Variants in ROBO2 observed in about 807,000 individuals in gnomAD.
ROBO2 encodes roundabout homolog 2.
Under a neutral mutation model 160.8 loss-of-function variants are expected in ROBO2, and 53 were observed. The observed-to-expected ratio is 0.33, with a 90% CI of 0.26 to 0.41. ROBO2 has a LOEUF of 0.41. ROBO2 is among the 10% of genes least tolerant of loss of function. The pLI is 1.00. For missense variants in ROBO2, 1,577 were observed against 1,722.4 expected (o/e 0.92, Z 1.49); for synonymous variants, 664 against 611.7 (o/e 1.09, Z -1.26).
chr3:76,872,049 T>C (rs2072156865), intron 2 of ROBO2, among the ~76,000 whole-genome samples: 1 of 152,184 alleles, frequency 6.6e-6, no homozygotes, highest in Non-Finnish European at 1.5e-5. Flanking sequence ...GTCACTGAAA[T>C]ATTAATCAAG....
chr3:77,155,910 C>G (rs767662620), intron 2 of ROBO2, among the ~76,000 whole-genome samples: 3 of 151,914 alleles, frequency 2.0e-5, no homozygotes, highest in Admixed American at 6.6e-5. Flanking sequence ...CTTTCGTGGT[C>G]CCTTTTACAG....
In ROBO2 at chr3:77,103,375, G is replaced by A. The variant is rs781538190; in HGVS notation, c.388+5035G>A. ...ACGCTTTAGTGGCAAGGAGGTTGTG[G>A]TTCAAAGGTCAGGGGTCACATAGAA... On this transcript the variant is annotated intron_variant, in intron 2 of 25. Transcript: ENST00000461745. 4.0e-4 allele frequency among the ~76,000 whole-genome samples: 60 copies of A among 150,948 alleles called. 1 individual carries two copies. Among genetic ancestry groups the A allele is most frequent in the Admixed American group, 7.3e-4 (11 of 15,164 alleles).
chr3:77,583,543 T>C (rs533578728), intron 16 of ROBO2, among the ~76,000 whole-genome samples: 1 of 152,268 alleles, frequency 6.6e-6, no homozygotes, highest in East Asian at 1.9e-4. Context: ...CATTTCCCTC[T>C]GATGTTTTCC....
In ROBO2 at chr3:76,026,842, T is replaced by C. The variant is rs762006207; in HGVS notation, c.109+89240T>C. ...AAGATCTGTCTAAGGGGAGACTTTA[T>C]ATAGATATTTGAGTGAAAAGGGCCA... is the stretch of plus-strand genomic sequence containing the variant. On this transcript the variant is annotated intron_variant, in intron 2 of 26. Transcript: ENST00000487694. 1.4e-3 allele frequency among the ~76,000 whole-genome samples: 206 copies of C among 151,944 alleles called. 3 individuals carry two copies. Among genetic ancestry groups the C allele is most frequent in the Non-Finnish European group, 2.4e-3 (164 of 67,886 alleles).
intron 2 of ROBO2, among the ~76,000 whole-genome samples, chr3:76,885,839 C>A (rs2073824696): frequency 6.6e-6 from 1 of 152,098 alleles, no homozygotes; most frequent in Non-Finnish European, 1.5e-5. Flanking sequence ...ATTTTTCCTG[C>A]CTCCTTCATG....
At chr3:76,311,666 G>A (rs1403017440) in intron 2 of ROBO2, among the ~76,000 whole-genome samples, 4 of 152,204 alleles carry the variant, frequency 2.6e-5, no homozygotes, top group Admixed American at 2.6e-4. Context: ...CAGGGAGACT[G>A]TAAGAGCAGA....
chr3:77,062,122 T>G (rs559850249), intron 1 of ROBO2, among the ~76,000 whole-genome samples: 4 of 152,292 alleles, frequency 2.6e-5, no homozygotes, highest in African/African-American at 9.6e-5. Context: ...ATGTGCCCTA[T>G]AGATGAGCAG....
intron 2 of ROBO2, among the ~76,000 whole-genome samples, chr3:76,780,945 GA>G (rs983414961): frequency 2.0e-5 from 3 of 150,146 alleles, no homozygotes; most frequent in South Asian, 2.1e-4. Flanking sequence ...ATATTTCTGA[GA>G]AAAAAATGCT....
chr3:76,317,169 G>C (rs1018489339), intron 2 of ROBO2, among the ~76,000 whole-genome samples: 1 of 152,168 alleles, frequency 6.6e-6, no homozygotes, highest in Non-Finnish European at 1.5e-5. Context: ...TTGTTAACAT[G>C]CAGTCTTGTA....
intron 2 of ROBO2, among the ~76,000 whole-genome samples, chr3:76,994,540 A>T (rs1412684479): frequency 1.3e-5 from 2 of 152,232 alleles, no homozygotes; most frequent in East Asian, 3.9e-4. Flanking sequence ...TTTCTCTGAA[A>T]TCATAATCAG....
chr3:76,219,019 A>G (rs1440764942), intron 2 of ROBO2, among the ~76,000 whole-genome samples: 2 of 152,224 alleles, frequency 1.3e-5, no homozygotes, highest in South Asian at 4.1e-4. Flanking sequence ...CATATCTACA[A>G]CTATCTGGTC....
At chr3:77,188,333 CA>C (rs11456154) in intron 2 of ROBO2, among the ~76,000 whole-genome samples, 1 of 151,392 alleles carries the variant, frequency 6.6e-6, no homozygotes, top group Non-Finnish European at 1.5e-5. Flanking sequence ...TAATATTAGT[CA>C]AACAGAGCTA....
intron 2 of ROBO2, among the ~76,000 whole-genome samples, chr3:76,879,815 G>A (rs748649766): frequency 2.7e-4 from 41 of 152,014 alleles, no homozygotes; most frequent in Non-Finnish European, 5.3e-4. Context: ...TAAACTGTTC[G>A]TTATCTGTCC....
chr3:75,912,651 G>A (rs1005828580), intron 1 of ROBO2, among the ~76,000 whole-genome samples: 2 of 152,026 alleles, frequency 1.3e-5, no homozygotes, highest in Admixed American at 6.6e-5. Flanking sequence ...TCAGATACAC[G>A]GTTGCTTACG....
chr3:77,429,714 G>T (rs2078581647), intron 2 of ROBO2, among the ~76,000 whole-genome samples: 1 of 151,332 alleles, frequency 6.6e-6, no homozygotes, highest in African/African-American at 2.4e-5. Context: ...ACACGGTTGT[G>T]ATCTTCCCTG....
intron 2 of ROBO2, among the ~76,000 whole-genome samples, chr3:76,674,957 AG>A (rs1314764398): frequency 6.6e-6 from 1 of 152,214 alleles, no homozygotes; most frequent in African/African-American, 2.4e-5. Context: ...ACAAACAAAA[AG>A]AAACCTTTGT....
intron 2 of ROBO2, among the ~76,000 whole-genome samples, 192 bp downstream of exon 2, chr3:77,098,532 AT>A (rs2071410782): frequency 6.6e-6 from 1 of 152,116 alleles, no homozygotes; most frequent in Non-Finnish European, 1.5e-5. Flanking sequence ...TTTATATGAA[AT>A]CAAGATGACC....
intron 2 of ROBO2, among the ~76,000 whole-genome samples, chr3:76,660,668 A>T (rs898720286): frequency 6.6e-6 from 1 of 152,186 alleles, no homozygotes; most frequent in African/African-American, 2.4e-5. Context: ...ATTATGTAGA[A>T]GTCATTTCTA....
intron 2 of ROBO2, among the ~76,000 whole-genome samples, chr3:77,102,124 C>G (rs1049188870): frequency 6.6e-6 from 1 of 152,138 alleles, no homozygotes; most frequent in Non-Finnish European, 1.5e-5. Context: ...CCTGTGGGCT[C>G]CAGTGATGGG....
Sources: allele counts gnomAD v4.1 joint callset (sites outside exome capture counted in the v4.1 genomes callset), GRCh38; gene constraint gnomAD v4.1.1; transcripts MANE v1.5; gene names NCBI Gene and HGNC (gene_info 2026-07-23, HGNC 2026-07-21).